The following PFDN4 variants were observed in gnomAD, a reference collection of about 807,000 sequenced individuals.
PFDN4 encodes the protein prefoldin subunit 4.
In PFDN4, 6 loss-of-function variants were observed where a neutral mutation model predicts 17.6. The ratio of observed to expected loss-of-function variants is 0.34; its 90% CI spans 0.19 to 0.67. The LOEUF (loss-of-function observed/expected upper bound fraction) is 0.67. PFDN4 is among the 30% of genes least tolerant of loss of function. The pLI, the probability that PFDN4 is intolerant of heterozygous loss-of-function variation, is 0.68. For synonymous variants in PFDN4, 48 were observed against 51.1 expected (o/e 0.94, Z 0.26); for missense variants, 119 against 158.4 (o/e 0.75, Z 1.33).
At chr20:54,215,687 A>G in intron 3 of PFDN4, among the ~76,000 whole-genome samples, 1 of 152,388 alleles carries the variant, frequency 6.6e-6, no homozygotes, top group South Asian at 2.1e-4. Context: ...ACACATAGAC[A>G]GTGGTCTTCT....
chr20:54,219,006 A>T lies in PFDN4; in HGVS notation c.274-13A>T. 7.0e-7 allele frequency: 1 copy of T among 1,430,598 alleles called. No homozygotes were observed. Among genetic ancestry groups the T allele is most frequent in the Non-Finnish European group, 9.5e-7 (1 of 1,053,346 alleles). 88.6% of individuals were successfully genotyped at this position (1,430,598 alleles called of 1,614,324 possible). A position where few individuals can be genotyped will look rare whatever the true frequency, so the allele number is the denominator to read the frequency against. On this transcript the variant is annotated splice_polypyrimidine_tract_variant and intron_variant, in intron 3 of 3. Transcript: ENST00000371419. ...CTATTGAATAGAATTAATTTAAAAT[A>T]TTTTTTTTCCAGAAAAATTTGCAAG...
intron 3 of PFDN4, 142 bp from the exon 4 acceptor site, chr20:54,218,877 G>C: frequency 3.8e-6 from 2 of 529,008 alleles, no homozygotes; most frequent in Non-Finnish European, 6.6e-6. Flanking sequence ...CAGACATTTA[G>C]ATCTAATTAT....
intron 2 of PFDN4, among the ~76,000 whole-genome samples, chr20:54,214,839 T>A (rs1213796453): frequency 1.3e-5 from 2 of 152,036 alleles, no homozygotes; most frequent in Non-Finnish European, 2.9e-5. Flanking sequence ...TGTCCAGCCG[T>A]CCCCCTTGAG....
chr20:54,209,599 G>C (rs1403699007), intron 1 of PFDN4, among the ~76,000 whole-genome samples: 1 of 152,212 alleles, frequency 6.6e-6, no homozygotes, highest in African/African-American at 2.4e-5. Flanking sequence ...GGGCCCTCTG[G>C]TGTTAGGTAT....
chr20:54,215,484 A>G (rs1023063698), intron 3 of PFDN4, 44 bp downstream of exon 3: 8 of 1,277,296 alleles, frequency 6.3e-6, no homozygotes, highest in Non-Finnish European at 8.8e-6. Flanking sequence ...ATATCACTAT[A>G]AAGAACATGT....
intron 1 of PFDN4, among the ~76,000 whole-genome samples, chr20:54,210,283 A>G (rs887916758): frequency 2.6e-5 from 4 of 152,228 alleles, no homozygotes; most frequent in African/African-American, 9.6e-5. Flanking sequence ...TTTAAGAGTC[A>G]CATGATAGAT....
chr20:54,209,167 C>T (rs1271092090), intron 1 of PFDN4, among the ~76,000 whole-genome samples: 3 of 152,080 alleles, frequency 2.0e-5, no homozygotes. Context: ...TGTTTTTATC[C>T]TTATTTAACA....
chr20:54,210,509 G>A (rs1385389535), intron 1 of PFDN4, among the ~76,000 whole-genome samples: 1 of 152,142 alleles, frequency 6.6e-6, no homozygotes, highest in Non-Finnish European at 1.5e-5. Flanking sequence ...TCTCTCAACT[G>A]GTCATGACTT....
At chr20:54,213,048 A>G (rs1489938947) in intron 1 of PFDN4, among the ~76,000 whole-genome samples, 2 of 152,246 alleles carry the variant, frequency 1.3e-5, no homozygotes, top group Non-Finnish European at 2.9e-5. Flanking sequence ...TGAGCTCTGT[A>G]TTGCTTGACA....
intron 1 of PFDN4, among the ~76,000 whole-genome samples, chr20:54,210,583 G>T (rs2092754466): frequency 6.6e-6 from 1 of 151,902 alleles, no homozygotes; most frequent in Admixed American, 6.6e-5. Context: ...TGCCTTCTAA[G>T]ATCCAGTTCT....
At position 54,211,357 on chromosome 20, in the gene PFDN4, C is replaced by T. The variant is rs1175080560; in HGVS notation, c.25-2994C>T. Among the ~76,000 whole-genome samples the T allele has an allele frequency of 3.9e-5, 6 of 152,130 alleles. No homozygotes were observed. The East Asian group carries it at 5.8e-4, about 15-fold the overall frequency. Reference sequence around the variant, plus strand: ...GAATTTTAATTTTTACTTTGGATCCCGAGCAGGCATATTTCTCTTTGGCCT... The same window carrying T: ...GAATTTTAATTTTTACTTTGGATCCTGAGCAGGCATATTTCTCTTTGGCCT... On this transcript the variant is annotated intron_variant, in intron 1 of 3. Transcript: ENST00000371419.
intron 1 of PFDN4, among the ~76,000 whole-genome samples, chr20:54,210,508 T>C (rs536862632): frequency 6.6e-6 from 1 of 152,350 alleles, no homozygotes; most frequent in South Asian, 2.1e-4. Context: ...ATCTCTCAAC[T>C]GGTCATGACT....
chr20:54,217,872 A>AC (rs2092764668), intron 3 of PFDN4, among the ~76,000 whole-genome samples: 1 of 152,188 alleles, frequency 6.6e-6, no homozygotes, highest in Non-Finnish European at 1.5e-5. Context: ...AATCACAGTC[A>AC]CCACAGGGCT....
chr20:54,208,575 C>T (rs1182581182), intron 1 of PFDN4: 2 of 160,198 alleles, frequency 1.2e-5, no homozygotes, highest in Non-Finnish European at 2.7e-5. Flanking sequence ...AAACTGAGGC[C>T]CAGAGATGGG....
At chr20:54,211,315 CAAGAA>C (rs1179650963) in intron 1 of PFDN4, among the ~76,000 whole-genome samples, 1 of 152,182 alleles carries the variant, frequency 6.6e-6, no homozygotes, top group African/African-American at 2.4e-5. Context: ...TATTAGTTCT[CAAGAA>C]AAGAGCCCAG....
chr20:54,217,608 T>C (rs1375399690), intron 3 of PFDN4, among the ~76,000 whole-genome samples: 1 of 152,128 alleles, frequency 6.6e-6, no homozygotes, highest in African/African-American at 2.4e-5. Context: ...AAAAACAAGC[T>C]TCAGGCTAGA....
intron 3 of PFDN4, among the ~76,000 whole-genome samples, chr20:54,215,897 C>T (rs1298680231): frequency 2.0e-5 from 3 of 152,174 alleles, no homozygotes; most frequent in East Asian, 3.8e-4. Context: ...CCAGGAGGAG[C>T]ATTTTTGCTG....
chr20:54,209,787 C>T (rs1356192158), intron 1 of PFDN4, among the ~76,000 whole-genome samples: 1 of 152,020 alleles, frequency 6.6e-6, no homozygotes, highest in East Asian at 1.9e-4. Flanking sequence ...TTCATTGATT[C>T]AGTAAATTTT....
intron 3 of PFDN4, among the ~76,000 whole-genome samples, chr20:54,218,576 T>C (rs2092765720): frequency 6.6e-6 from 1 of 152,236 alleles, no homozygotes; most frequent in Admixed American, 6.5e-5. Flanking sequence ...AGTGAAAATT[T>C]CTGCCAGATT....
Sources: gnomAD v4.1 joint callset for allele counts (sites outside exome capture counted in the v4.1 genomes callset) on GRCh38, gnomAD v4.1.1 for gene constraint, MANE v1.5 for transcripts, NCBI Gene and HGNC (gene_info 2026-07-23, HGNC 2026-07-21) for gene names.